GMDS: variants seen among roughly 807,000 people sequenced by gnomAD.
GMDS encodes GDP-mannose 4,6-dehydratase, also known as GDP-mannose 4,6 dehydratase.
Under a neutral mutation model 49.9 loss-of-function variants are expected in GMDS, and 20 were observed. That is an observed-to-expected ratio of 0.40 (90% CI 0.28 to 0.58). The LOEUF is 0.58. GMDS is among the 20% of genes least tolerant of loss of function. The pLI, the probability that GMDS is intolerant of heterozygous loss-of-function variation, is 0.42. For missense variants in GMDS, 362 were observed against 481.4 expected (o/e 0.75, Z 2.32); for synonymous variants, 177 against 178.6 (o/e 0.99, Z 0.07).
chr6:1,793,632 G>A (rs927945625), intron 7 of GMDS, among the ~76,000 whole-genome samples: 8 of 152,150 alleles, frequency 5.3e-5, no homozygotes, highest in Non-Finnish European at 1.5e-5. Context: ...TTATTGTGAA[G>A]GCAGCTCATC....
intron 9 of GMDS, among the ~76,000 whole-genome samples, chr6:1,678,635 G>A (rs928463397): frequency 1.3e-5 from 2 of 151,922 alleles, no homozygotes; most frequent in African/African-American, 4.8e-5. Flanking sequence ...AAGGTAACAC[G>A]TAAAGCAGGG....
At chr6:1,692,377 T>G (rs973378208) in intron 9 of GMDS, among the ~76,000 whole-genome samples, 1 of 151,998 alleles carries the variant, frequency 6.6e-6, no homozygotes, top group Non-Finnish European at 1.5e-5. Flanking sequence ...ATCCTATTAG[T>G]TCTGTCCCTC....
chr6:2,042,460 G>C (rs1348238106), intron 4 of GMDS, among the ~76,000 whole-genome samples: 1 of 152,090 alleles, frequency 6.6e-6, no homozygotes, highest in African/African-American at 2.4e-5. Context: ...ACCCTCCGTA[G>C]TGTGGCCAGA....
At chr6:1,803,791 G>T (rs1214288567) in intron 7 of GMDS, among the ~76,000 whole-genome samples, 1 of 152,098 alleles carries the variant, frequency 6.6e-6, no homozygotes, top group Non-Finnish European at 1.5e-5. Flanking sequence ...GAAAATATTT[G>T]GTTACACTGA....
intron 8 of GMDS, among the ~76,000 whole-genome samples, chr6:1,737,763 CCACA>C (rs1023333888): frequency 5.9e-5 from 8 of 136,244 alleles, no homozygotes; most frequent in African/African-American, 2.1e-4. Flanking sequence ...TACACACACA[CCACA>C]CACACAGATA....
chr6:2,200,103 T>C (rs553375343), intron 1 of GMDS, among the ~76,000 whole-genome samples: 44 of 152,332 alleles, frequency 2.9e-4, no homozygotes, highest in African/African-American at 1.1e-3. Context: ...ACATCCACTG[T>C]GTCAGATATT....
chr6:1,863,972 A>G (rs1758322558), intron 7 of GMDS, among the ~76,000 whole-genome samples: 1 of 152,198 alleles, frequency 6.6e-6, no homozygotes, highest in African/African-American at 2.4e-5. Context: ...ATAAACCAGC[A>G]AAAAAGTGTG....
intron 1 of GMDS, among the ~76,000 whole-genome samples, chr6:2,236,382 G>C (rs967638516): frequency 6.6e-5 from 10 of 152,214 alleles, no homozygotes; most frequent in African/African-American, 2.4e-4. Context: ...CTGCAAGTAA[G>C]GTAAAATCTC....
At chr6:2,197,495 T>C (rs890375720) in intron 1 of GMDS, among the ~76,000 whole-genome samples, 5 of 152,188 alleles carry the variant, frequency 3.3e-5, no homozygotes, top group Admixed American at 3.3e-4. Flanking sequence ...TTGCTAAACC[T>C]GACCACGTCA....
chr6:1,848,234 G>A (rs1464426737), intron 7 of GMDS, among the ~76,000 whole-genome samples: 2 of 152,054 alleles, frequency 1.3e-5, no homozygotes, highest in Non-Finnish European at 1.5e-5. Flanking sequence ...ACCGCTTGTA[G>A]AGTCACAGTG....
chr6:1,685,307 C>A (rs1023430860), intron 9 of GMDS, among the ~76,000 whole-genome samples: 1 of 151,874 alleles, frequency 6.6e-6, no homozygotes, highest in African/African-American at 2.4e-5. Context: ...AGGCTGAGGC[C>A]GGAGCCGAGA....
At chr6:1,900,835 G>C (rs1353864937) in intron 7 of GMDS, among the ~76,000 whole-genome samples, 1 of 152,140 alleles carries the variant, frequency 6.6e-6, no homozygotes, top group African/African-American at 2.4e-5. Flanking sequence ...AGTCTAAAAT[G>C]TTATACTTTG....
chr6:1,914,127 G>GTTTT (rs1225983780), intron 7 of GMDS, among the ~76,000 whole-genome samples: 5 of 50,012 alleles, frequency 1.0e-4, no homozygotes, highest in African/African-American at 3.7e-4. Context: ...AGCGTTTTTT[G>GTTTT]TTTGTTTTTT....
intron 7 of GMDS, among the ~76,000 whole-genome samples, chr6:1,787,338 A>G (rs1769365337): frequency 6.6e-6 from 1 of 152,234 alleles, no homozygotes; most frequent in South Asian, 2.1e-4. Context: ...GTACTACAGC[A>G]GGAGGTAGCT....
chr6:1,999,282 A>C (rs1484991102), intron 4 of GMDS, among the ~76,000 whole-genome samples: 1 of 146,876 alleles, frequency 6.8e-6, no homozygotes, highest in Non-Finnish European at 1.5e-5. Context: ...AGACTGCACC[A>C]CTGTACTACA....
At chr6:2,072,190 G>C (rs1482981571) in intron 4 of GMDS, among the ~76,000 whole-genome samples, 2 of 152,194 alleles carry the variant, frequency 1.3e-5, no homozygotes, top group East Asian at 3.9e-4. Context: ...GTATGCCTTA[G>C]AACAAAGCCA....
intron 8 of GMDS, among the ~76,000 whole-genome samples, 186 bp downstream of exon 8, chr6:1,742,282 A>G (rs1767304590): frequency 6.6e-6 from 1 of 152,144 alleles, no homozygotes; most frequent in Admixed American, 6.5e-5. Context: ...GCTGACCAAC[A>G]TCTGACAAAT....
At chr6:2,225,375 C>A (rs1780770296) in intron 1 of GMDS, among the ~76,000 whole-genome samples, 1 of 152,082 alleles carries the variant, frequency 6.6e-6, no homozygotes, top group Admixed American at 6.5e-5. Context: ...ATCCTATGAT[C>A]TCATTAAAGA....
intron 1 of GMDS, among the ~76,000 whole-genome samples, chr6:2,170,246 T>A: frequency 6.6e-6 from 1 of 152,052 alleles, no homozygotes. Flanking sequence ...GGATTCGACT[T>A]TCTCCATGCA....
Sources: gnomAD v4.1 joint callset for allele counts (sites outside exome capture counted in the v4.1 genomes callset) on GRCh38, gnomAD v4.1.1 for gene constraint, MANE v1.5 for transcripts, NCBI Gene and HGNC (gene_info 2026-07-23, HGNC 2026-07-21) for gene names.